SMYD3: variants seen among roughly 807,000 people sequenced by gnomAD.
SMYD3 encodes histone-lysine N-methyltransferase SMYD3.
A neutral mutation model predicts 57.7 loss-of-function variants in SMYD3; 36 were observed. The ratio of observed to expected loss-of-function variants is 0.62; its 90% CI spans 0.48 to 0.82. SMYD3 has a LOEUF of 0.82. SMYD3 is among the 40% of genes least tolerant of loss of function. SMYD3 has a pLI of 0.00. For missense variants in SMYD3, 515 were observed against 538.8 expected, an observed-to-expected ratio of 0.96 and a Z score of 0.44; for synonymous variants, 211 against 195.0, an observed-to-expected ratio of 1.08 and a Z score of -0.68.
At chr1:245,797,863 C>A (rs1353899225) in intron 10 of SMYD3, among the ~76,000 whole-genome samples, 2 of 138,964 alleles carry the variant, frequency 1.4e-5, no homozygotes, top group East Asian at 4.5e-4. Context: ...GATCAAGACA[C>A]CAGCGAGGCT....
intron 5 of SMYD3, among the ~76,000 whole-genome samples, chr1:246,235,072 T>G (rs180758831): frequency 1.0e-3 from 157 of 152,318 alleles, no homozygotes; most frequent in African/African-American, 3.3e-3. Context: ...GCTCCTAGTA[T>G]CAAAACTAGG....
chr1:245,760,641 T>C (rs1381330018), intron 11 of SMYD3, among the ~76,000 whole-genome samples: 6 of 152,116 alleles, frequency 3.9e-5, no homozygotes, highest in Non-Finnish European at 7.4e-5. Flanking sequence ...ACTTGCCGTA[T>C]TGGGGGCATG....
chr1:246,175,434 G>C (rs988748537), intron 5 of SMYD3, among the ~76,000 whole-genome samples: 3 of 152,056 alleles, frequency 2.0e-5, no homozygotes, highest in Non-Finnish European at 2.9e-5. Context: ...TAAACAAAAA[G>C]GTTATTTTTT....
At chr1:246,067,841 G>A (rs891858463) in intron 5 of SMYD3, among the ~76,000 whole-genome samples, 1 of 152,142 alleles carries the variant, frequency 6.6e-6, no homozygotes, top group Non-Finnish European at 1.5e-5. Flanking sequence ...CACCAAGGCC[G>A]GGAGAGGCTG....
intron 5 of SMYD3, among the ~76,000 whole-genome samples, chr1:246,080,399 G>A (rs1164441177): frequency 1.4e-5 from 2 of 145,228 alleles, no homozygotes; most frequent in East Asian, 1.9e-4. Context: ...TAGGTTGTGT[G>A]CTCCTTATGA....
In SMYD3 at chr1:246,327,337, T is replaced by C. The variant is rs770911084; in HGVS notation, c.395A>G (p.Asn132Ser). The C allele has an allele frequency of 6.8e-6, 11 of 1,607,952 alleles. No homozygotes were observed. In the East Asian group the frequency reaches 8.9e-5, roughly 13 times the overall value. Residue 132 changes from asparagine (N) to serine (S), a missense_variant and splice_region_variant, in exon 5 of 12, where the codon AAT becomes AGT. Asn to Ser is a conservative substitution (Grantham distance 46, BLOSUM62 1). Transcript: ENST00000490107. ...CTTATCTTCAGTCAGTTTGTTAATA[T>C]CTTTTTTAAAGAGAAAATAAATAGC... is the stretch of plus-strand genomic sequence containing the variant. The part of the protein sequence containing the change: ...KLYSFYDLES[N>S]INKLTEDKKE...
At chr1:245,809,519 AC>A (rs2048347673) in intron 10 of SMYD3, among the ~76,000 whole-genome samples, 1 of 152,204 alleles carries the variant, frequency 6.6e-6, no homozygotes, top group Non-Finnish European at 1.5e-5. Context: ...CTCCCTGAGA[AC>A]CCTGCTGTTG....
chr1:245,976,308 CCAGGGAAAGCCA>C lies in SMYD3; in HGVS notation c.532-46383_532-46372del, dbSNP rs2058423318. 6.8e-4 allele frequency among the ~76,000 whole-genome samples: 10 copies of C among 14,806 alleles called. 3 individuals are homozygous for C. The highest frequency in any genetic ancestry group is 1.6e-3 in the Admixed American group (2 of 1,234). The allele number at this position is 14,806 out of a possible 152,430, so 9.7% of individuals were successfully genotyped here. ...CCCAGGGAAAGCCATCGTCTCTAGC[CCAGGGAAAGCCA>C]TCGTCTCTAGCCCAGGGAAAGCCAT... On this transcript the variant is annotated intron_variant, in intron 5 of 11. Coordinates refer to ENST00000490107, the MANE Select transcript of SMYD3 (RefSeq NM_001167740.2).
intron 5 of SMYD3, among the ~76,000 whole-genome samples, chr1:246,273,489 G>T (rs1400150663): frequency 6.7e-6 from 1 of 149,770 alleles, no homozygotes; most frequent in African/African-American, 2.5e-5. Context: ...TTAGCAATTG[G>T]AATCTTCTTT....
chr1:245,911,036 C>G (rs1031248333), intron 8 of SMYD3, among the ~76,000 whole-genome samples: 6 of 151,742 alleles, frequency 4.0e-5, no homozygotes, highest in African/African-American at 1.2e-4. Context: ...GGAACTCAAA[C>G]TCAATAGCAA....
chr1:245,862,830 C>A (rs2051627144), intron 9 of SMYD3, among the ~76,000 whole-genome samples: 1 of 152,190 alleles, frequency 6.6e-6, no homozygotes, highest in Non-Finnish European at 1.5e-5. Flanking sequence ...TTGGAGAAAC[C>A]AGGCAGCACT....
At chr1:245,982,602 T>C (rs1033992030) in intron 5 of SMYD3, among the ~76,000 whole-genome samples, 6 of 152,244 alleles carry the variant, frequency 3.9e-5, no homozygotes, top group African/African-American at 1.4e-4. Flanking sequence ...GGTTTTGTTT[T>C]GTTTTTTACT....
chr1:246,138,418 T>A (rs1050973205), intron 5 of SMYD3, among the ~76,000 whole-genome samples: 13 of 151,418 alleles, frequency 8.6e-5, no homozygotes, highest in African/African-American at 3.1e-4. Context: ...ATTTTAAAAA[T>A]TTATTTATTT....
intron 5 of SMYD3, among the ~76,000 whole-genome samples, chr1:246,315,511 T>C (rs1004082485): frequency 6.6e-6 from 1 of 152,188 alleles, no homozygotes; most frequent in African/African-American, 2.4e-5. Flanking sequence ...GCAGTTTACA[T>C]ATCATCTAGG....
intron 5 of SMYD3, among the ~76,000 whole-genome samples, chr1:246,102,000 C>T (rs1046862755): frequency 6.6e-6 from 1 of 152,198 alleles, no homozygotes; most frequent in Non-Finnish European, 1.5e-5. Context: ...GCTGATGATT[C>T]CCAAAGTTCT....
At chr1:246,291,606 G>A (rs1214706688) in intron 5 of SMYD3, among the ~76,000 whole-genome samples, 2 of 152,200 alleles carry the variant, frequency 1.3e-5, no homozygotes, top group Non-Finnish European at 2.9e-5. Context: ...GCAATGACAA[G>A]AAAAACCAGT....
At chr1:245,994,741 C>T (rs762277880) in intron 5 of SMYD3, among the ~76,000 whole-genome samples, 3 of 151,744 alleles carry the variant, frequency 2.0e-5, no homozygotes, top group Non-Finnish European at 4.4e-5. Flanking sequence ...CATCTATGTG[C>T]GGATCACAGT....
intron 8 of SMYD3, among the ~76,000 whole-genome samples, chr1:245,900,048 G>T (rs1389425309): frequency 6.6e-6 from 1 of 152,080 alleles, no homozygotes; most frequent in Admixed American, 6.6e-5. Flanking sequence ...CCATAATCAG[G>T]TGAGACAATT....
chr1:245,913,591 A>T (rs2055182552), intron 8 of SMYD3, among the ~76,000 whole-genome samples: 1 of 152,196 alleles, frequency 6.6e-6, no homozygotes, highest in South Asian at 2.1e-4. Flanking sequence ...AAGACCACAA[A>T]AGCACAAGCA....
Sources: allele counts gnomAD v4.1 joint callset (sites outside exome capture counted in the v4.1 genomes callset), GRCh38; gene constraint gnomAD v4.1.1; transcripts MANE v1.5; gene names NCBI Gene and HGNC (gene_info 2026-07-23, HGNC 2026-07-21).